Variants in ERLIN1 observed in about 807,000 individuals in gnomAD.
ERLIN1 encodes ER lipid raft associated 1, also known as erlin-1.
ERLIN1 carries 24 observed loss-of-function variants against 46.9 expected under a neutral mutation model. The observed-to-expected ratio is 0.51, with a 90% CI of 0.37 to 0.72. The LOEUF (loss-of-function observed/expected upper bound fraction) is 0.72. Among genes scored for constraint, ERLIN1 ranks in the 30% least tolerant of loss-of-function variants. ERLIN1 has a pLI of 0.00. For synonymous variants in ERLIN1, 158 were observed against 143.2 expected (o/e 1.10, Z -0.74); for missense variants, 293 against 417.9 (o/e 0.70, Z 2.61).
chr10:100,181,175 CAGA>C (rs1844624368), intron 2 of ERLIN1, among the ~76,000 whole-genome samples: 1 of 152,176 alleles, frequency 6.6e-6, no homozygotes, highest in South Asian at 2.1e-4. Flanking sequence ...TTTTCAAACT[CAGA>C]AGAACTAGGA....
Position 100,178,203 on chromosome 10 carries a change from A to G in ERLIN1, c.243-9T>C, listed in dbSNP as rs949432548. On this transcript the variant is annotated splice_polypyrimidine_tract_variant and intron_variant, in intron 3 of 10. Transcript: ENST00000421367. ...AGATCATGACCCCACCACTAAAAAC[A>G]AAGAAAAAAAGTGTGAACTACTAAA... 6.4e-7 allele frequency: 1 copy of G among 1,555,528 alleles called. No individual in the cohort carries two copies. Among genetic ancestry groups the G allele is most frequent in the Non-Finnish European group, 8.7e-7 (1 of 1,146,134 alleles).
intron 7 of ERLIN1, among the ~76,000 whole-genome samples, chr10:100,167,009 C>T (rs1301474711): frequency 6.6e-6 from 1 of 152,174 alleles, no homozygotes; most frequent in Non-Finnish European, 1.5e-5. Flanking sequence ...TCTCTTCAAC[C>T]CTAACGGCTT....
chr10:100,151,894 T>A lies in ERLIN1; in HGVS notation c.*237A>T. 1 of 545,218 alleles carries A rather than the reference T, an allele frequency of 1.8e-6. No individual in the cohort carries two copies. Among genetic ancestry groups the A allele is most frequent in the East Asian group, 3.2e-5 (1 of 30,990 alleles). The allele number at this position is 545,218 out of a possible 1,614,324, so 33.8% of individuals were successfully genotyped here. Reference sequence around the variant, plus strand: ...GCATCAGACTTTCCTCATTCATGAGTAGCAGTTTAGAAAGGAATACATATA... The same window carrying A: ...GCATCAGACTTTCCTCATTCATGAGAAGCAGTTTAGAAAGGAATACATATA... On this transcript the variant is annotated 3_prime_UTR_variant, in exon 11 of 11. Coordinates refer to ENST00000421367, the MANE Select transcript of ERLIN1 (RefSeq NM_006459.4).
At chr10:100,170,861 T>C (rs1399926479) in intron 6 of ERLIN1, among the ~76,000 whole-genome samples, 6 of 152,044 alleles carry the variant, frequency 3.9e-5, no homozygotes, top group Non-Finnish European at 8.8e-5. Context: ...AATGGGAAGA[T>C]CAATGGAACA....
chr10:100,184,776 G>C (rs1425271535), intron 1 of ERLIN1, among the ~76,000 whole-genome samples: 1 of 152,152 alleles, frequency 6.6e-6, no homozygotes, highest in East Asian at 1.9e-4. Context: ...ATTCAGGATG[G>C]ATTTGAAAGT....
intron 8 of ERLIN1, among the ~76,000 whole-genome samples, chr10:100,158,134 G>A (rs1843170732): frequency 6.6e-6 from 1 of 152,106 alleles, no homozygotes; most frequent in South Asian, 2.1e-4. Flanking sequence ...GAGGCCTTGT[G>A]ATATTAGGAC....
chr10:100,166,851 A>G (rs950020375), intron 7 of ERLIN1, among the ~76,000 whole-genome samples: 1 of 152,240 alleles, frequency 6.6e-6, no homozygotes, highest in African/African-American at 2.4e-5. Flanking sequence ...GACTACCAGG[A>G]GTCAACAGAA....
At chr10:100,170,830 A>G (rs762640950) in intron 6 of ERLIN1, among the ~76,000 whole-genome samples, 1 of 152,264 alleles carries the variant, frequency 6.6e-6, no homozygotes, top group Non-Finnish European at 1.5e-5. Context: ...CCAAGGACTC[A>G]ATAACTAATG....
chr10:100,178,270 G>T, intron 3 of ERLIN1, 76 bp from the exon 4 acceptor site: 2 of 898,826 alleles, frequency 2.2e-6, no homozygotes, highest in Non-Finnish European at 3.5e-6. Flanking sequence ...CTGGGGAGAA[G>T]CTGATAATGA....
At chr10:100,176,338 A>G (rs894849463) in intron 4 of ERLIN1, among the ~76,000 whole-genome samples, 2 of 152,202 alleles carry the variant, frequency 1.3e-5, no homozygotes, top group African/African-American at 4.8e-5. Context: ...TAAAGTATCC[A>G]TTATTTTGGA....
intron 10 of ERLIN1, among the ~76,000 whole-genome samples, chr10:100,154,000 ATT>A (rs1249182944): frequency 5.3e-5 from 8 of 152,262 alleles, no homozygotes; most frequent in African/African-American, 1.9e-4. Context: ...TCCTTTCTAA[ATT>A]AAAAGCCCTG....
chr10:100,153,044 G>A (rs1345453642), intron 10 of ERLIN1, among the ~76,000 whole-genome samples: 2 of 152,190 alleles, frequency 1.3e-5, no homozygotes, highest in African/African-American at 2.4e-5. Flanking sequence ...AGATACACAG[G>A]TCAGTGGATG....
At chr10:100,168,736 G>A (rs1843800438) in intron 6 of ERLIN1, among the ~76,000 whole-genome samples, 1 of 151,248 alleles carries the variant, frequency 6.6e-6, no homozygotes, top group Admixed American at 6.6e-5. Context: ...CTGGAGTGCG[G>A]TGGTGCAATC....
intron 6 of ERLIN1, among the ~76,000 whole-genome samples, chr10:100,173,664 G>T (rs974292921): frequency 6.6e-6 from 1 of 152,072 alleles, no homozygotes; most frequent in Non-Finnish European, 1.5e-5. Context: ...CCTCCCACTT[G>T]AAATACCTTT....
intron 9 of ERLIN1, among the ~76,000 whole-genome samples, chr10:100,155,939 C>T (rs1478781075): frequency 6.6e-6 from 1 of 152,162 alleles, no homozygotes; most frequent in Non-Finnish European, 1.5e-5. Flanking sequence ...GAAAGCTGAG[C>T]TACCCACAGT....
At position 100,174,202 on chromosome 10, in the gene ERLIN1, A is replaced by T; in HGVS notation, c.504+6T>A. 6.4e-7 allele frequency: 1 copy of T among 1,550,520 alleles called. No homozygotes were observed. Among genetic ancestry groups the T allele is most frequent in the South Asian group, 1.2e-5 (1 of 84,462 alleles). ...CCCAGAGAACTTCCCTAGGAAAAGAACTTACCTGTATAGTGAGACCTGGGG... is the reference window on the plus strand; with the variant it reads ...CCCAGAGAACTTCCCTAGGAAAAGATCTTACCTGTATAGTGAGACCTGGGG... On this transcript the variant is annotated splice_donor_region_variant and intron_variant, in intron 6 of 10. Transcript: ENST00000421367.
rs544060109 is a variant in ERLIN1, at chr10:100,180,660, A to C, written c.196-1413T>G. 3.9e-5 allele frequency among the ~76,000 whole-genome samples: 6 copies of C among 152,326 alleles called. No individual in the cohort carries two copies. In the East Asian group the frequency reaches 1.2e-3, roughly 29 times the overall value. ...GGAGCAGAAGGGACAATTTGGATGA[A>C]AGATGAAATTCTGACAAGAGACCAT... On this transcript the variant is annotated intron_variant, in intron 2 of 10. Transcript: ENST00000421367.
chr10:100,176,214 A>T (rs1844293077), intron 4 of ERLIN1, 144 bp from the exon 5 acceptor site: 3 of 620,798 alleles, frequency 4.8e-6, no homozygotes, highest in Non-Finnish European at 7.9e-6. Context: ...CACAACTAAC[A>T]AATCTTGATG....
In ERLIN1 at chr10:100,151,704, A is replaced by C; in HGVS notation, c.*427T>G. ...AAGGGCCTGGGTCCCAGGTGCAATCAGTCTTCTTGAACTTACCATCTCCTT... is the reference window on the plus strand; with the variant it reads ...AAGGGCCTGGGTCCCAGGTGCAATCCGTCTTCTTGAACTTACCATCTCCTT... On this transcript the variant is annotated 3_prime_UTR_variant, in exon 11 of 11. Transcript: ENST00000421367. 1 of 249,948 alleles carries C rather than the reference A, an allele frequency of 4.0e-6. No homozygotes were observed. Among genetic ancestry groups the C allele is most frequent in the African/African-American group, 2.2e-5 (1 of 44,958 alleles). 15.5% of individuals were successfully genotyped at this position (249,948 alleles called of 1,614,324 possible).
Sources: allele counts gnomAD v4.1 joint callset (sites outside exome capture counted in the v4.1 genomes callset), GRCh38; gene constraint gnomAD v4.1.1; transcripts MANE v1.5; gene names NCBI Gene and HGNC (gene_info 2026-07-23, HGNC 2026-07-21).